THSD4: variants seen among roughly 807,000 people sequenced by gnomAD.
THSD4 encodes the protein thrombospondin type-1 domain-containing protein 4.
Under a neutral mutation model 119.0 loss-of-function variants are expected in THSD4, and 69 were observed. The ratio of observed to expected loss-of-function variants is 0.58; its 90% CI spans 0.48 to 0.71. The LOEUF is 0.71. THSD4 is among the 30% of genes least tolerant of loss of function. THSD4 has a pLI of 0.00. For missense variants in THSD4, 1,393 were observed against 1,391.1 expected, an observed-to-expected ratio of 1.00 and a Z score of -0.02; for synonymous variants, 524 against 540.4, an observed-to-expected ratio of 0.97 and a Z score of 0.42.
rs181586598 is a variant in THSD4 at position 71,201,474 on chromosome 15, T to C, written c.100-13561T>C. On this transcript the variant is annotated intron_variant, in intron 3 of 17. Transcript: ENST00000261862. ...GTTACCTCCCATCTCTCCAAACTGG[T>C]ACTGCCTGTAACGTGGCAGAATCGG... Among the ~76,000 whole-genome samples, 389 of 152,336 alleles carry C rather than the reference T, an allele frequency of 2.6e-3. 7 individuals are homozygous for C. Among genetic ancestry groups the C allele is most frequent in the Non-Finnish European group, 1.5e-3 (100 of 68,026 alleles).
Position 71,771,138 on chromosome 15 carries a change from C to A in THSD4, c.2844C>A (p.Asn948Lys). 6.2e-7 allele frequency: 1 copy of A among 1,614,168 alleles called. No individual in the cohort carries two copies. The highest frequency in any genetic ancestry group is 8.5e-7 in the Non-Finnish European group (1 of 1,180,042). Reference protein sequence around the residue: ...RCLSDDMTLSNLCDPQLKPEE... With the variant: ...RCLSDDMTLSKLCDPQLKPEE... ...TGTCTGATGACATGACTCTAAGTAA[C>A]CTCTGTGACCCTCAGTTGAAACCAG... The change falls in exon 17 of 18, where the codon AAC becomes AAA. Residue 948 changes from asparagine (N) to lysine (K), a missense_variant. Physicochemically the swap from Asn to Lys is moderately conservative, Grantham distance 94 (BLOSUM62 0). Transcript: ENST00000261862.
intron 7 of THSD4, among the ~76,000 whole-genome samples, chr15:71,612,923 C>G (rs983302175): frequency 1.5e-4 from 23 of 152,154 alleles, no homozygotes; most frequent in Non-Finnish European, 3.4e-4. Context: ...AGTTTTTTGG[C>G]AGTAATTCTA....
Position 71,758,108 on chromosome 15 carries a change from G to A in THSD4, c.2589+33G>A. 2.0e-6 allele frequency: 3 copies of A among 1,530,026 alleles called. No individual in the cohort carries two copies. The East Asian group carries it at 7.4e-5, about 38-fold the overall frequency. 94.8% of individuals were successfully genotyped at this position (1,530,026 alleles called of 1,614,324 possible). A position where few individuals can be genotyped will look rare whatever the true frequency, so the allele number is the denominator to read the frequency against. ...GCCAGAACTGGGTATGTCTGCCTGT[G>A]TCAGGCAAAAGGCAGCATACCAGAG... is the stretch of plus-strand genomic sequence containing the variant. On this transcript the variant is annotated intron_variant, in intron 15 of 17. Transcript: ENST00000261862.
intron 7 of THSD4, among the ~76,000 whole-genome samples, chr15:71,578,575 A>G (rs2049498896): frequency 1.3e-5 from 2 of 152,022 alleles, no homozygotes; most frequent in South Asian, 4.2e-4. Flanking sequence ...GAGCTCAGGC[A>G]ATCCACCTGC....
rs764639902 is a variant in THSD4 at position 71,728,734 on chromosome 15, G to A, written c.1533+10G>A. 6.2e-7 allele frequency: 1 copy of A among 1,613,610 alleles called. No homozygotes were observed. The highest frequency in any genetic ancestry group is 8.5e-7 in the Non-Finnish European group (1 of 1,180,002). ...GATCTTGGATGTCTACGTGAGTTTGGATGTTTCTGGACTGTTCTTTGGATT... is the reference window on the plus strand; with the variant it reads ...GATCTTGGATGTCTACGTGAGTTTGAATGTTTCTGGACTGTTCTTTGGATT... On this transcript the variant is annotated intron_variant, in intron 9 of 17. Coordinates refer to ENST00000261862, the MANE Select transcript of THSD4 (RefSeq NM_024817.3).
At position 71,782,848 on chromosome 15, in the gene THSD4, A is replaced by AGGAAAT. The variant is rs1339850987; in HGVS notation, c.*5477_*5482dup. The AGGAAAT allele has an allele frequency of 6.6e-6, 1 of 152,254 alleles. No homozygotes were observed. The highest frequency in any genetic ancestry group is 1.5e-5 in the Non-Finnish European group (1 of 68,046). The allele number at this position is 152,254 out of a possible 1,614,324, so 9.4% of individuals were successfully genotyped here. ...CCCCTCATCCACAGACATTTGGAGA[A>AGGAAAT]GGAAATGGGAGGGTGTCTGTTATCC... is the stretch of plus-strand genomic sequence containing the variant. On this transcript the variant is annotated 3_prime_UTR_variant, in exon 18 of 18. Coordinates refer to ENST00000261862, the MANE Select transcript of THSD4 (RefSeq NM_024817.3).
intron 16 of THSD4, chr15:71,767,538 G>A (rs2053735115): frequency 6.6e-6 from 1 of 152,210 alleles, no homozygotes; most frequent in Non-Finnish European, 1.5e-5. Flanking sequence ...GTATAATTCT[G>A]TTAGCCCCAA....
chr15:71,673,177 G>A (rs1017285264), intron 8 of THSD4, among the ~76,000 whole-genome samples: 2 of 152,132 alleles, frequency 1.3e-5, no homozygotes, highest in Non-Finnish European at 2.9e-5. Flanking sequence ...CCTGTTATTG[G>A]TCTATTCAGG....
At chr15:71,625,530 T>C (rs2050492643) in intron 7 of THSD4, among the ~76,000 whole-genome samples, 1 of 151,894 alleles carries the variant, frequency 6.6e-6, no homozygotes, top group Non-Finnish European at 1.5e-5. Flanking sequence ...AAGGACAGAG[T>C]TGGGTACTAG....
chr15:71,189,923 T>A (rs1399209490), intron 3 of THSD4, among the ~76,000 whole-genome samples: 1 of 152,148 alleles, frequency 6.6e-6, no homozygotes, highest in East Asian at 1.9e-4. Context: ...TCAGAACTGC[T>A]GCGGGAGAGG....
rs74246975 is a variant in THSD4 at position 71,586,404 on chromosome 15, T to A, written c.1153-74126T>A. On this transcript the variant is annotated intron_variant, in intron 7 of 17. Transcript: ENST00000261862. The stretch of plus-strand genomic sequence containing the variant: ...GGCATTTACCAGGGCACCACCCTCA[T>A]CTAGAGCTTGGAATATTTTTCTAAG... 4.7e-4 allele frequency among the ~76,000 whole-genome samples: 71 copies of A among 152,262 alleles called. 1 individual carries two copies. In the East Asian group the frequency reaches 0.01, roughly 21 times the overall value.
Position 71,711,505 on chromosome 15 carries a change from C to CA in THSD4, c.1358-17037dup, listed in dbSNP as rs2052515155. On this transcript the variant is annotated intron_variant, in intron 8 of 17. Transcript: ENST00000261862. ...CAGAATACTGAAAATTATGCAAGTA[C>CA]AAAAAAAGAAAGGAAAAAGAACAGA... 2.7e-5 allele frequency among the ~76,000 whole-genome samples: 4 copies of CA among 149,434 alleles called. No individual in the cohort carries two copies. The South Asian group carries it at 6.4e-4, about 24-fold the overall frequency.
chr15:71,388,188 G>A (rs985838868), intron 6 of THSD4, among the ~76,000 whole-genome samples: 14 of 152,198 alleles, frequency 9.2e-5, no homozygotes, highest in South Asian at 2.1e-4. Flanking sequence ...ATCAGTTTGC[G>A]TTTTTAACAC....
chr15:71,310,020 A>G (rs1333279646), intron 6 of THSD4, among the ~76,000 whole-genome samples: 2 of 152,114 alleles, frequency 1.3e-5, no homozygotes, highest in Non-Finnish European at 2.9e-5. Flanking sequence ...TACAGCTCCT[A>G]AAAGGTTGGG....
chr15:71,693,698 T>C (rs892165038), intron 8 of THSD4, among the ~76,000 whole-genome samples: 1 of 152,130 alleles, frequency 6.6e-6, no homozygotes, highest in Non-Finnish European at 1.5e-5. Context: ...TGGGAGATAA[T>C]TGAATCATGG....
At chr15:71,485,483 T>C (rs917970036) in intron 7 of THSD4, among the ~76,000 whole-genome samples, 2 of 152,240 alleles carry the variant, frequency 1.3e-5, no homozygotes, top group African/African-American at 4.8e-5. Context: ...GAGGAACTTA[T>C]TACAAATTCA....
intron 6 of THSD4, among the ~76,000 whole-genome samples, chr15:71,385,548 T>C (rs1325812707): frequency 6.8e-6 from 1 of 147,626 alleles, no homozygotes; most frequent in Non-Finnish European, 1.5e-5. Flanking sequence ...AAGTGACTTA[T>C]AGAAACAGCT....
chr15:71,448,343 C>T (rs2047217524), intron 7 of THSD4, among the ~76,000 whole-genome samples: 1 of 152,166 alleles, frequency 6.6e-6, no homozygotes, highest in Admixed American at 6.5e-5. Flanking sequence ...GCAGAGACTG[C>T]TTAGGAAACA....
intron 8 of THSD4, among the ~76,000 whole-genome samples, chr15:71,676,089 C>T (rs939117010): frequency 2.3e-4 from 35 of 152,188 alleles, no homozygotes; most frequent in Admixed American, 2.2e-3. Context: ...AGCAGACCTT[C>T]TGGAACTAGC....
Sources: gnomAD v4.1 joint callset for allele counts (sites outside exome capture counted in the v4.1 genomes callset) on GRCh38, gnomAD v4.1.1 for gene constraint, MANE v1.5 for transcripts, NCBI Gene and HGNC (gene_info 2026-07-23, HGNC 2026-07-21) for gene names.